The following HSD17B12 variants were observed in gnomAD, a reference collection of about 807,000 sequenced individuals.
HSD17B12 encodes hydroxysteroid 17-beta dehydrogenase 12, also known as very-long-chain 3-oxoacyl-CoA reductase.
HSD17B12 carries 32 observed loss-of-function variants against 39.3 expected under a neutral mutation model. The observed-to-expected ratio is 0.81, with a 90% confidence interval of 0.61 to 1.09. The LOEUF (loss-of-function observed/expected upper bound fraction) is 1.09. HSD17B12 is among the 50% of genes least tolerant of loss of function. HSD17B12 has a pLI of 0.00. For synonymous variants in HSD17B12, 150 were observed against 146.7 expected (o/e 1.02, Z -0.16); for missense variants, 342 against 382.9 (o/e 0.89, Z 0.89).
chr11:43,559,578 T>C, the HSD17B12 span: 1 of 155,940 alleles, frequency 6.4e-6, no homozygotes, highest in African/African-American at 2.4e-5. Context: ...CGTCAGCTCA[T>C]GAGCCACATA....
the HSD17B12 span, among the ~76,000 whole-genome samples, chr11:43,598,355 T>C: frequency 6.6e-6 from 1 of 152,098 alleles, no homozygotes; most frequent in African/African-American, 2.4e-5. Context: ...TGATTTTTAA[T>C]CTTGTTCTTG....
the HSD17B12 span, among the ~76,000 whole-genome samples, chr11:43,672,571 A>G: frequency 1.8e-4 from 28 of 152,072 alleles, no homozygotes; most frequent in Non-Finnish European, 3.8e-4. Flanking sequence ...TTTTTAAGAT[A>G]AAGTCTCACT....
upstream of HSD17B12, among the ~76,000 whole-genome samples, chr11:43,676,706 T>C (rs1949697417): frequency 6.6e-6 from 1 of 152,220 alleles, no homozygotes; most frequent in East Asian, 1.9e-4. Flanking sequence ...CTTAGATATT[T>C]GTTGGGGTAC....
the HSD17B12 span, among the ~76,000 whole-genome samples, chr11:43,634,211 A>C: frequency 6.6e-6 from 1 of 150,608 alleles, no homozygotes; most frequent in Non-Finnish European, 1.5e-5. Flanking sequence ...CAGATTGGTC[A>C]CCTGTTTTCT....
At chr11:43,639,828 A>C in the HSD17B12 span, among the ~76,000 whole-genome samples, 2 of 152,114 alleles carry the variant, frequency 1.3e-5, no homozygotes, top group Non-Finnish European at 2.9e-5. Flanking sequence ...ACTTTTCGTG[A>C]AATGAGGGGT....
the HSD17B12 span, chr11:43,672,846 A>G: frequency 6.6e-6 from 1 of 152,224 alleles, no homozygotes; most frequent in Non-Finnish European, 1.5e-5. Context: ...CTGGCCAATA[A>G]ATGTTAATCT....
At chr11:43,571,606 G>A in the HSD17B12 span, among the ~76,000 whole-genome samples, 3 of 152,314 alleles carry the variant, frequency 2.0e-5, 1 homozygote, top group African/African-American at 4.8e-5. Flanking sequence ...CGATAATGGG[G>A]TTGTGCGAAA....
In HSD17B12 at chr11:43,690,389, TATATATATATA is replaced by T. The variant is rs1180323194; in HGVS notation, c.160+9403_160+9413del. Among the ~76,000 whole-genome samples the T allele has an allele frequency of 2.4e-3, 64 of 26,714 alleles. 4 individuals carry two copies. Among genetic ancestry groups the T allele is most frequent in the South Asian group, 5.0e-3 (3 of 600 alleles). 17.5% of individuals were successfully genotyped at this position (26,714 alleles called of 152,430 possible). On this transcript the variant is annotated intron_variant, in intron 1 of 10. Coordinates refer to ENST00000278353, the MANE Select transcript of HSD17B12 (RefSeq NM_016142.3). ...ATATATATATATATATATATATATA[TATATATATATA>T]TATATTTTTTTTTTTTTTTTTCTGA...
the HSD17B12 span, among the ~76,000 whole-genome samples, chr11:43,587,200 G>A: frequency 6.6e-6 from 1 of 152,010 alleles, no homozygotes; most frequent in Non-Finnish European, 1.5e-5. Context: ...TTCAACAAAT[G>A]TTTATTGAGT....
At chr11:43,601,294 T>G in the HSD17B12 span, among the ~76,000 whole-genome samples, 1 of 152,092 alleles carries the variant, frequency 6.6e-6, no homozygotes, top group Non-Finnish European at 1.5e-5. Context: ...GGTGGTTGTT[T>G]CTGTGTCTTT....
chr11:43,723,211 G>A (rs1052600311), intron 1 of HSD17B12, among the ~76,000 whole-genome samples: 4 of 152,088 alleles, frequency 2.6e-5, no homozygotes, highest in Admixed American at 1.3e-4. Context: ...GACCAGAATC[G>A]TAACATAAGG....
the HSD17B12 span, among the ~76,000 whole-genome samples, chr11:43,672,475 T>A: frequency 6.6e-6 from 1 of 152,158 alleles, no homozygotes. Flanking sequence ...GGTGTTATTG[T>A]GATGTTTGAA....
intron 1 of HSD17B12, among the ~76,000 whole-genome samples, chr11:43,688,939 C>A (rs1949827670): frequency 2.0e-5 from 3 of 152,132 alleles, no homozygotes; most frequent in Admixed American, 2.0e-4. Context: ...TTAAGAGCAT[C>A]ATTTGTTTGT....
At chr11:43,840,503 A>G (rs531030576) in intron 9 of HSD17B12, among the ~76,000 whole-genome samples, 1 of 152,236 alleles carries the variant, frequency 6.6e-6, no homozygotes, top group East Asian at 1.9e-4. Flanking sequence ...TTCATCTTCC[A>G]AAACTGAAAC....
At chr11:43,631,623 G>GTCTCTCTCTC in the HSD17B12 span, among the ~76,000 whole-genome samples, 13 of 59,142 alleles carry the variant, frequency 2.2e-4, no homozygotes, top group Admixed American at 5.9e-4. Context: ...CTCTCTCTCT[G>GTCTCTCTCTC]TCTGTCTGTC....
chr11:43,675,353 C>T, the HSD17B12 span, among the ~76,000 whole-genome samples: 2 of 152,034 alleles, frequency 1.3e-5, no homozygotes, highest in Non-Finnish European at 2.9e-5. Context: ...AAGGAGTGAG[C>T]CTTGGGAAGA....
intron 1 of HSD17B12, among the ~76,000 whole-genome samples, chr11:43,721,909 G>A (rs1950179872): frequency 6.6e-6 from 1 of 152,174 alleles, no homozygotes; most frequent in African/African-American, 2.4e-5. Context: ...ATAGACTAGT[G>A]GCAAAGGGTG....
chr11:43,758,197 T>G (rs1950528174), intron 3 of HSD17B12, among the ~76,000 whole-genome samples: 1 of 152,104 alleles, frequency 6.6e-6, no homozygotes, highest in East Asian at 1.9e-4. Context: ...TATTATATTG[T>G]TTTCTGTTGT....
the HSD17B12 span, among the ~76,000 whole-genome samples, chr11:43,574,307 A>G: frequency 4.5e-4 from 69 of 152,366 alleles, no homozygotes; most frequent in African/African-American, 1.5e-3. Context: ...AACCTCTGGA[A>G]AAGTGTTTAC....
Sources: allele counts gnomAD v4.1 joint callset (sites outside exome capture counted in the v4.1 genomes callset), GRCh38; gene constraint gnomAD v4.1.1; transcripts MANE v1.5; gene names NCBI Gene and HGNC (gene_info 2026-07-23, HGNC 2026-07-21).